The following PREX1 variants were observed in gnomAD, a reference collection of about 807,000 sequenced individuals.
PREX1 encodes the protein phosphatidylinositol-3,4,5-trisphosphate dependent Rac exchange factor 1, also known as phosphatidylinositol 3,4,5-trisphosphate-dependent Rac exchanger 1 protein.
A neutral mutation model predicts 198.3 loss-of-function variants in PREX1; 41 were observed. The observed-to-expected ratio is 0.21, with a 90% CI of 0.16 to 0.27. The LOEUF (loss-of-function observed/expected upper bound fraction) is 0.27, where lower values mean the gene tolerates loss of function less well. Ranked by LOEUF, PREX1 falls within the 10% of genes least tolerant of loss-of-function variation. The pLI is 1.00. For missense variants in PREX1, 1,620 were observed against 2,200.7 expected (o/e 0.74, Z 5.28); for synonymous variants, 843 against 887.2 (o/e 0.95, Z 0.89).
chr20:48,759,386 C>CA (rs2090168902), intron 1 of PREX1, among the ~76,000 whole-genome samples: 2 of 151,678 alleles, frequency 1.3e-5, no homozygotes, highest in Admixed American at 6.6e-5. Flanking sequence ...CCTGTCTCTA[C>CA]AAAAAATACA....
intron 1 of PREX1, among the ~76,000 whole-genome samples, chr20:48,790,073 A>T (rs2090331364): frequency 1.3e-5 from 2 of 152,166 alleles, no homozygotes; most frequent in Non-Finnish European, 2.9e-5. Context: ...CTGCTGGTTC[A>T]TGACTTGGCT....
chr20:48,705,746 T>C (rs1044422088), intron 6 of PREX1, among the ~76,000 whole-genome samples: 1 of 152,240 alleles, frequency 6.6e-6, no homozygotes, highest in Non-Finnish European at 1.5e-5. Flanking sequence ...TTCTACTTCA[T>C]AGAAAACAAT....
At chr20:48,730,443 ACACACG>A (rs913125012) in intron 4 of PREX1, among the ~76,000 whole-genome samples, 1 of 151,516 alleles carries the variant, frequency 6.6e-6, no homozygotes, top group African/African-American at 2.4e-5. Flanking sequence ...ACACACACAC[ACACACG>A]CACATCCTGA....
the PREX1 span, among the ~76,000 whole-genome samples, chr20:48,876,270 A>T: frequency 6.6e-6 from 1 of 152,122 alleles, no homozygotes; most frequent in African/African-American, 2.4e-5. Context: ...TGTTTTTCTC[A>T]TCCACCCAGC....
At chr20:48,866,455 C>T in the PREX1 span, among the ~76,000 whole-genome samples, 1 of 152,110 alleles carries the variant, frequency 6.6e-6, no homozygotes, top group Non-Finnish European at 1.5e-5. Flanking sequence ...TGTGTGTTAA[C>T]AAGCTGTCCA....
At chr20:48,706,040 G>T (rs1380962639) in intron 6 of PREX1, among the ~76,000 whole-genome samples, 16 of 152,188 alleles carry the variant, frequency 1.1e-4, no homozygotes, top group Non-Finnish European at 1.9e-4. Flanking sequence ...CTTGTAACAG[G>T]TACTAAATAA....
the PREX1 span, among the ~76,000 whole-genome samples, chr20:48,870,667 G>A: frequency 7.8e-4 from 118 of 152,256 alleles, no homozygotes; most frequent in African/African-American, 2.6e-3. Context: ...TCATATTTAG[G>A]CAGGGCACAG....
rs566363222 is a variant in PREX1, at chr20:48,638,653, C to T, written c.3905-901G>A. On this transcript the variant is annotated intron_variant, in intron 30 of 39. Coordinates refer to ENST00000371941, the MANE Select transcript of PREX1 (RefSeq NM_020820.4). Reference sequence around the variant, plus strand: ...CACCACGCCAGGCACCACGGCAGGACTCACCACGCCAGGCAGCCAGGCCAG... The same window carrying T: ...CACCACGCCAGGCACCACGGCAGGATTCACCACGCCAGGCAGCCAGGCCAG... Among the ~76,000 whole-genome samples the T allele has an allele frequency of 5.9e-5, 9 of 151,852 alleles. No homozygotes were observed. In the South Asian group the frequency reaches 1.9e-3, roughly 32 times the overall value.
intron 1 of PREX1, among the ~76,000 whole-genome samples, chr20:48,764,853 A>G (rs2122855786): frequency 6.6e-6 from 1 of 152,082 alleles, no homozygotes; most frequent in African/African-American, 2.4e-5. Flanking sequence ...GGTCAGAGGA[A>G]GACCAGAAGA....
At chr20:48,886,262 A>G in the PREX1 span, among the ~76,000 whole-genome samples, 3 of 152,316 alleles carry the variant, frequency 2.0e-5, no homozygotes, top group East Asian at 5.8e-4. Context: ...TTTATTCATT[A>G]GTGTAAGAAA....
chr20:48,735,151 G>T lies in PREX1; in HGVS notation c.415-501C>A, dbSNP rs552816052. On this transcript the variant is annotated intron_variant, in intron 3 of 39. Coordinates refer to ENST00000371941, the MANE Select transcript of PREX1 (RefSeq NM_020820.4). ...ACTAGGTCCAGAACCATCAGTCAGG[G>T]TTTCCCGTACTGGAAGAGACAGGAG... Among the ~76,000 whole-genome samples the T allele has an allele frequency of 3.3e-5, 5 of 152,294 alleles. No individual in the cohort carries two copies. In the South Asian group the frequency reaches 6.2e-4, roughly 19 times the overall value.
At chr20:48,838,753 C>T in the PREX1 span, among the ~76,000 whole-genome samples, 1 of 152,036 alleles carries the variant, frequency 6.6e-6, no homozygotes. Flanking sequence ...AGGGGCCAGG[C>T]ACAGTGCCTC....
chr20:48,651,681 CA>C, intron 21 of PREX1, 98 bp from the exon 22 acceptor site: 1 of 1,208,824 alleles, frequency 8.3e-7, no homozygotes, highest in Non-Finnish European at 1.1e-6. Context: ...GCAGTGGGAA[CA>C]GCAAGTGCAA....
the PREX1 span, among the ~76,000 whole-genome samples, chr20:48,880,869 T>A: frequency 1.3e-5 from 2 of 151,408 alleles, no homozygotes; most frequent in Non-Finnish European, 2.9e-5. Flanking sequence ...ATAAGGACCT[T>A]TAAGGTGTCC....
At chr20:48,696,480 T>C (rs1250318022) in intron 7 of PREX1, among the ~76,000 whole-genome samples, 1 of 152,208 alleles carries the variant, frequency 6.6e-6, no homozygotes, top group Non-Finnish European at 1.5e-5. Flanking sequence ...TACTACGACC[T>C]TACAGCAGGA....
chr20:48,668,357 G>A (rs980313889), intron 14 of PREX1, among the ~76,000 whole-genome samples: 1 of 152,204 alleles, frequency 6.6e-6, no homozygotes, highest in African/African-American at 2.4e-5. Context: ...CTAAGTGCTG[G>A]GAACGGGGCT....
intron 1 of PREX1, among the ~76,000 whole-genome samples, chr20:48,768,533 G>A (rs967930237): frequency 6.6e-6 from 1 of 152,120 alleles, no homozygotes; most frequent in African/African-American, 2.4e-5. Flanking sequence ...AGTGGCTCAC[G>A]CCTGTAATAC....
chr20:48,745,052 A>G lies in PREX1; in HGVS notation c.387T>C (p.His129=). 1.2e-6 allele frequency: 2 copies of G among 1,614,180 alleles called. No individual in the cohort carries two copies. The highest frequency in any genetic ancestry group is 2.2e-5 in the South Asian group (2 of 91,084). ...YCLHPEPQSQ[H]ELGNVFLKFK... ...ATTTTAAGAAAACATTCCCAAGTTC[A>G]TGCTGAGACTGCGGCTCCGGGTGTA... Residue 129 remains histidine (H), a synonymous_variant, in exon 3 of 40, where the codon CAT becomes CAC. Coordinates refer to ENST00000371941, the MANE Select transcript of PREX1 (RefSeq NM_020820.4).
chr20:48,836,290 T>C, the PREX1 span, among the ~76,000 whole-genome samples: 1 of 152,086 alleles, frequency 6.6e-6, no homozygotes, highest in African/African-American at 2.4e-5. Flanking sequence ...ATATAAGTGA[T>C]AGTTAAAGCC....
Sources: gnomAD v4.1 joint callset for allele counts (sites outside exome capture counted in the v4.1 genomes callset) on GRCh38, gnomAD v4.1.1 for gene constraint, MANE v1.5 for transcripts, NCBI Gene and HGNC (gene_info 2026-07-23, HGNC 2026-07-21) for gene names.